ASH1L: variants seen among roughly 807,000 people sequenced by gnomAD.
ASH1L encodes the protein histone-lysine N-methyltransferase ASH1L.
A neutral mutation model predicts 269.0 loss-of-function variants in ASH1L; 23 were observed. That is an observed-to-expected ratio of 0.09 (90% confidence interval 0.06 to 0.12). The LOEUF is 0.12. Ranked by LOEUF, ASH1L falls within the 10% of genes least tolerant of loss-of-function variation. The pLI is 1.00. For synonymous variants in ASH1L, 1,187 were observed against 1,253.5 expected, an observed-to-expected ratio of 0.95 and a Z score of 1.12; for missense variants, 2,912 against 3,567.8, an observed-to-expected ratio of 0.82 and a Z score of 4.68.
chr1:155,416,073 T>A (rs930405516), intron 5 of ASH1L, 150 bp from the exon 6 acceptor site: 10 of 569,694 alleles, frequency 1.8e-5, no homozygotes, highest in Non-Finnish European at 2.9e-5. Context: ...GGTACCAGAC[T>A]TCTCCTGACA....
intron 5 of ASH1L, among the ~76,000 whole-genome samples, chr1:155,421,477 C>A (rs1231324759): frequency 6.6e-6 from 1 of 151,472 alleles, no homozygotes; most frequent in Non-Finnish European, 1.5e-5. Context: ...TTGAGACCAT[C>A]CTGGCTAACA....
At chr1:155,511,422 T>C (rs72704187) in intron 2 of ASH1L, among the ~76,000 whole-genome samples, 71 of 152,342 alleles carry the variant, frequency 4.7e-4, no homozygotes, top group South Asian at 4.6e-3. Context: ...CTCTGGAGAC[T>C]TTCCAAACTT....
At chr1:155,400,988 C>T (rs192685847) in intron 6 of ASH1L, among the ~76,000 whole-genome samples, 213 of 151,820 alleles carry the variant, frequency 1.4e-3, no homozygotes, top group Non-Finnish European at 2.3e-3. Flanking sequence ...AGGTGAAACC[C>T]CATCTTTACT....
At chr1:155,446,471 G>GT (rs1256366729) in intron 4 of ASH1L, among the ~76,000 whole-genome samples, 1 of 145,928 alleles carries the variant, frequency 6.9e-6, no homozygotes, top group Admixed American at 6.8e-5. Context: ...GCTAATTTTT[G>GT]TAATTTTTGC....
At chr1:155,366,292 A>G (rs1655411966) in intron 12 of ASH1L, among the ~76,000 whole-genome samples, 1 of 152,188 alleles carries the variant, frequency 6.6e-6, no homozygotes, top group Non-Finnish European at 1.5e-5. Flanking sequence ...GTTACTCTAT[A>G]TGGTCTAAAA....
intron 7 of ASH1L, among the ~76,000 whole-genome samples, chr1:155,381,138 T>A (rs189654425): frequency 6.6e-6 from 1 of 152,280 alleles, no homozygotes; most frequent in Admixed American, 6.5e-5. Flanking sequence ...ACCAGTTGAA[T>A]ACAAGCATAG....
chr1:155,387,303 T>G (rs1255626971), intron 7 of ASH1L, among the ~76,000 whole-genome samples: 1 of 152,172 alleles, frequency 6.6e-6, no homozygotes, highest in Non-Finnish European at 1.5e-5. Context: ...CATATTTTGT[T>G]TTTGTATATG....
chr1:155,418,238 T>G (rs1660378269), intron 5 of ASH1L, among the ~76,000 whole-genome samples: 1 of 152,054 alleles, frequency 6.6e-6, no homozygotes, highest in Non-Finnish European at 1.5e-5. Flanking sequence ...AAAATAACTT[T>G]AAAATACTAC....
intron 6 of ASH1L, among the ~76,000 whole-genome samples, chr1:155,403,014 TA>T (rs879715495): frequency 3.1e-3 from 441 of 140,170 alleles, no homozygotes; most frequent in Middle Eastern, 3.7e-3. Context: ...CCGTCTCTAC[TA>T]AAAAAAAAAA....
chr1:155,525,550 A>AG (rs1284883860), intron 1 of ASH1L, among the ~76,000 whole-genome samples: 2 of 151,884 alleles, frequency 1.3e-5, no homozygotes, highest in Non-Finnish European at 2.9e-5. Flanking sequence ...AAAAAAAAAA[A>AG]AAGAAGAAGA....
chr1:155,425,210 G>C (rs1414959517), intron 5 of ASH1L, among the ~76,000 whole-genome samples: 1 of 151,530 alleles, frequency 6.6e-6, no homozygotes, highest in Non-Finnish European at 1.5e-5. Context: ...CTGACCTCAA[G>C]TGATCCACCC....
intron 6 of ASH1L, among the ~76,000 whole-genome samples, chr1:155,398,822 C>G (rs1232025939): frequency 1.3e-5 from 2 of 152,114 alleles, no homozygotes; most frequent in African/African-American, 4.8e-5. Context: ...AAGTGAACCT[C>G]TCGCCTCAGC....
intron 1 of ASH1L, among the ~76,000 whole-genome samples, chr1:155,525,458 T>C (rs1359551452): frequency 6.6e-6 from 1 of 151,376 alleles, no homozygotes; most frequent in African/African-American, 2.4e-5. Flanking sequence ...GAAGTATTAA[T>C]GGGCTTGATT....
At chr1:155,384,629 C>T (rs968031693) in intron 7 of ASH1L, among the ~76,000 whole-genome samples, 2 of 152,060 alleles carry the variant, frequency 1.3e-5, no homozygotes, top group Non-Finnish European at 2.9e-5. Flanking sequence ...TCTCAAACTT[C>T]TGAGCTCAAG....
At chr1:155,448,569 C>T (rs1176460038) in intron 4 of ASH1L, among the ~76,000 whole-genome samples, 2 of 152,174 alleles carry the variant, frequency 1.3e-5, no homozygotes, top group African/African-American at 4.8e-5. Context: ...GATCTCAGCT[C>T]ACTGCAACCT....
At chr1:155,494,364 A>C (rs1380318446) in intron 2 of ASH1L, among the ~76,000 whole-genome samples, 1 of 152,226 alleles carries the variant, frequency 6.6e-6, no homozygotes, top group Admixed American at 6.5e-5. Flanking sequence ...AGTCCAAGAA[A>C]GAGGAAGCCA....
intron 3 of ASH1L, among the ~76,000 whole-genome samples, chr1:155,470,574 CAG>C (rs1416964005): frequency 3.9e-5 from 5 of 126,708 alleles, no homozygotes; most frequent in Non-Finnish European, 6.4e-5. Flanking sequence ...TTTTCTGAGA[CAG>C]AGTCTCGCTC....
chr1:155,446,399 A>C (rs1296424064), intron 4 of ASH1L, among the ~76,000 whole-genome samples: 1 of 150,610 alleles, frequency 6.6e-6, no homozygotes, highest in Non-Finnish European at 1.5e-5. Context: ...CCCGGGTTCA[A>C]GCAATTCTCA....
At position 155,528,419 on chromosome 1, in the gene ASH1L, T is replaced by G. The variant is rs577918441; in HGVS notation, c.-99-6801A>C. On this transcript the variant is annotated intron_variant, in intron 1 of 27. Coordinates refer to ENST00000392403, the MANE Select transcript of ASH1L (RefSeq NM_018489.3). ...ATCCAAGTGATGATAAATATGTGAA[T>G]GGATTATTGCAATAGCTTTTTTTTT... 4.6e-5 allele frequency among the ~76,000 whole-genome samples: 7 copies of G among 152,090 alleles called. No homozygotes were observed. In the South Asian group the frequency reaches 1.2e-3, roughly 27 times the overall value.
Sources: gnomAD v4.1 joint callset for allele counts (sites outside exome capture counted in the v4.1 genomes callset) on GRCh38, gnomAD v4.1.1 for gene constraint, MANE v1.5 for transcripts, NCBI Gene and HGNC (gene_info 2026-07-23, HGNC 2026-07-21) for gene names.